COL21A1: variants seen among roughly 807,000 people sequenced by gnomAD.
COL21A1 encodes collagen alpha-1(XXI) chain.
COL21A1 carries 149 observed loss-of-function variants against 137.9 expected under a neutral mutation model. The ratio of observed to expected loss-of-function variants is 1.08; its 90% CI spans 0.95 to 1.24. The LOEUF (loss-of-function observed/expected upper bound fraction) is 1.24, where lower values mean the gene tolerates loss of function less well. COL21A1 is among the 50% of genes most tolerant of loss of function. The pLI is 0.00. For missense variants in COL21A1, 1,167 were observed against 1,158.4 expected (o/e 1.01, Z -0.11); for synonymous variants, 456 against 391.5 (o/e 1.16, Z -1.95).
At chr6:56,200,140 G>A (rs1471121726) in intron 1 of COL21A1, among the ~76,000 whole-genome samples, 1 of 152,102 alleles carries the variant, frequency 6.6e-6, no homozygotes, top group Admixed American at 6.6e-5. Flanking sequence ...TTTGTCCCAG[G>A]AACAGAAAGG....
At chr6:56,364,821 A>ACTCTTTTAC (rs1227129132) in intron 1 of COL21A1, among the ~76,000 whole-genome samples, 1 of 151,906 alleles carries the variant, frequency 6.6e-6, no homozygotes, top group African/African-American at 2.4e-5. Context: ...CACACAGAGG[A>ACTCTTTTAC]CACAGTCTCT....
At chr6:56,178,875 C>T (rs1777685400) in intron 3 of COL21A1, among the ~76,000 whole-genome samples, 1 of 151,952 alleles carries the variant, frequency 6.6e-6, no homozygotes, top group Non-Finnish European at 1.5e-5. Context: ...CGTTTTCCCC[C>T]AACTTTAAAA....
chr6:56,388,310 T>C (rs1174897423), intron 1 of COL21A1, among the ~76,000 whole-genome samples: 3 of 152,148 alleles, frequency 2.0e-5, no homozygotes, highest in African/African-American at 4.8e-5. Context: ...CAGTACTGCA[T>C]TGGCTTCAGG....
rs1765368445 is a variant in COL21A1 at position 56,056,608 on chromosome 6, T to G, written c.*1049A>C. 1 of 152,142 alleles carries G rather than the reference T, an allele frequency of 6.6e-6. No individual in the cohort carries two copies. The highest frequency in any genetic ancestry group is 1.5e-5 in the Non-Finnish European group (1 of 68,018). The allele number at this position is 152,142 out of a possible 1,614,324, so 9.4% of individuals were successfully genotyped here. ...ATTGTAATCAGGCCTGTACAAAACT[T>G]TATTATACTCTGAATAACAAGCATG... On this transcript the variant is annotated 3_prime_UTR_variant, in exon 30 of 30. Transcript: ENST00000244728.
chr6:56,261,370 C>G (rs1172192224), intron 1 of COL21A1, among the ~76,000 whole-genome samples: 2 of 152,160 alleles, frequency 1.3e-5, no homozygotes, highest in Non-Finnish European at 2.9e-5. Context: ...GTATCCCTCC[C>G]AAATTCACAT....
At chr6:56,125,501 C>T (rs1257343211) in intron 14 of COL21A1, 66 bp downstream of exon 14, 1 of 1,136,972 alleles carries the variant, frequency 8.8e-7, no homozygotes, top group Admixed American at 2.0e-5. Flanking sequence ...AACTGCAATT[C>T]TAGTTTTCTG....
Position 56,274,563 on chromosome 6 carries a change from C to T in COL21A1, c.-38-91907G>A, listed in dbSNP as rs1423034556. 5.3e-5 allele frequency among the ~76,000 whole-genome samples: 8 copies of T among 152,046 alleles called. No individual in the cohort carries two copies. The East Asian group carries it at 1.2e-3, about 22-fold the overall frequency. ...TAAATTTCAGTAGCATTTCTATACA[C>T]CAATTACATTTAAGCTAAGAGTAAA... On this transcript the variant is annotated intron_variant, in intron 1 of 28. Coordinates refer to the COL21A1 transcript ENST00000370819.
chr6:56,353,405 T>C (rs562281693), intron 1 of COL21A1, among the ~76,000 whole-genome samples: 1 of 152,154 alleles, frequency 6.6e-6, no homozygotes, highest in African/African-American at 2.4e-5. Flanking sequence ...AGCTTCCAGC[T>C]ATTTGAGTCT....
At chr6:56,150,222 A>C (rs539536304) in intron 10 of COL21A1, among the ~76,000 whole-genome samples, 50 of 152,292 alleles carry the variant, frequency 3.3e-4, no homozygotes, top group African/African-American at 1.2e-3. Flanking sequence ...TGGCACATTA[A>C]AGAGTTGGGG....
At chr6:56,311,504 G>A (rs774752998) in intron 1 of COL21A1, among the ~76,000 whole-genome samples, 1 of 152,166 alleles carries the variant, frequency 6.6e-6, no homozygotes, top group Non-Finnish European at 1.5e-5. Context: ...CCGTGACAAA[G>A]TAACTTTTCT....
At chr6:56,153,322 C>G (rs1412741725) in intron 10 of COL21A1, among the ~76,000 whole-genome samples, 3 of 152,126 alleles carry the variant, frequency 2.0e-5, no homozygotes, top group Non-Finnish European at 4.4e-5. Flanking sequence ...TGCCCACACT[C>G]TCCATCCAGG....
intron 17 of COL21A1, among the ~76,000 whole-genome samples, chr6:56,085,468 T>C (rs923976548): frequency 6.6e-6 from 1 of 152,130 alleles, no homozygotes. Context: ...TTATCATTTA[T>C]GACAACATCA....
chr6:56,285,088 C>T lies in COL21A1; in HGVS notation c.-38-102432G>A, dbSNP rs914011894. Among the ~76,000 whole-genome samples the T allele has an allele frequency of 4.6e-5, 7 of 152,218 alleles. No individual in the cohort carries two copies. The South Asian group carries it at 8.3e-4, about 18-fold the overall frequency. On this transcript the variant is annotated intron_variant, in intron 1 of 28. Transcript: ENST00000370819. Reference sequence around the variant, plus strand: ...GTCCCCAATACTTCTTCCTATCCCTCCCAGAAAACAGAATCAATCAATAGC... The same window carrying T: ...GTCCCCAATACTTCTTCCTATCCCTTCCAGAAAACAGAATCAATCAATAGC...
At chr6:56,362,151 GC>G (rs1765988740) in intron 1 of COL21A1, among the ~76,000 whole-genome samples, 1 of 152,102 alleles carries the variant, frequency 6.6e-6, no homozygotes, top group Non-Finnish European at 1.5e-5. Flanking sequence ...TTGACAAGTA[GC>G]AAGTTCAGCC....
intron 20 of COL21A1, among the ~76,000 whole-genome samples, chr6:56,072,330 G>T (rs1025390980): frequency 2.6e-5 from 4 of 151,408 alleles, no homozygotes; most frequent in Non-Finnish European, 5.9e-5. Context: ...CGAGTAAAGG[G>T]CAGATTTTTT....
intron 1 of COL21A1, among the ~76,000 whole-genome samples, chr6:56,339,470 A>C (rs1316102489): frequency 2.0e-5 from 3 of 152,128 alleles, no homozygotes; most frequent in Non-Finnish European, 4.4e-5. Flanking sequence ...GTGGTTTTCC[A>C]CCCCTGAAAT....
intron 1 of COL21A1, among the ~76,000 whole-genome samples, chr6:56,225,208 A>C (rs1781112007): frequency 6.6e-6 from 1 of 152,088 alleles, no homozygotes; most frequent in South Asian, 2.1e-4. Context: ...AGTTACAATA[A>C]GATTTCTACT....
chr6:56,122,605 A>C (rs190648696), intron 16 of COL21A1, among the ~76,000 whole-genome samples: 1 of 152,342 alleles, frequency 6.6e-6, no homozygotes, highest in East Asian at 1.9e-4. Flanking sequence ...TACACATTAA[A>C]TGGGTGAATT....
At chr6:56,293,983 G>C (rs923844699) in intron 1 of COL21A1, among the ~76,000 whole-genome samples, 3 of 152,142 alleles carry the variant, frequency 2.0e-5, no homozygotes, top group Non-Finnish European at 4.4e-5. Context: ...ATTGCAAAGT[G>C]CATATGGTGA....
Sources: allele counts gnomAD v4.1 joint callset (sites outside exome capture counted in the v4.1 genomes callset), GRCh38; gene constraint gnomAD v4.1.1; transcripts MANE v1.5; gene names NCBI Gene and HGNC (gene_info 2026-07-23, HGNC 2026-07-21).